GHR: variants seen among roughly 807,000 people sequenced by gnomAD.
GHR encodes growth hormone receptor.
Under a neutral mutation model 67.1 loss-of-function variants are expected in GHR, and 35 were observed. The ratio of observed to expected loss-of-function variants is 0.52; its 90% confidence interval spans 0.40 to 0.69. The LOEUF (loss-of-function observed/expected upper bound fraction) is 0.69, where lower values mean the gene tolerates loss of function less well. GHR is among the 30% of genes least tolerant of loss of function. The probability of loss-of-function intolerance (pLI) is 0.00; values close to 1 mark genes in which losing one functional copy is unlikely to be tolerated. For missense variants in GHR, 792 were observed against 764.6 expected (o/e 1.04, Z -0.42); for synonymous variants, 272 against 269.1 (o/e 1.01, Z -0.10).
chr5:42,660,741 A>C (rs570312755), intron 3 of GHR, among the ~76,000 whole-genome samples: 154 of 152,370 alleles, frequency 1.0e-3, no homozygotes, highest in African/African-American at 3.5e-3. Flanking sequence ...CTCACCAGCA[A>C]CGGAACAAAG....
chr5:42,686,672 G>A (rs879469358), intron 3 of GHR, among the ~76,000 whole-genome samples: 1 of 152,130 alleles, frequency 6.6e-6, no homozygotes, highest in Admixed American at 6.6e-5. Context: ...TTCATGGAAT[G>A]TATCTCAAAA....
chr5:42,564,349 A>C (rs1295815541), intron 1 of GHR, among the ~76,000 whole-genome samples: 1 of 150,066 alleles, frequency 6.7e-6, no homozygotes, highest in Non-Finnish European at 1.5e-5. Flanking sequence ...TTGAAATCTC[A>C]CAATGTGTGA....
chr5:42,463,276 T>C (rs1224608457), intron 1 of GHR, among the ~76,000 whole-genome samples: 1 of 152,226 alleles, frequency 6.6e-6, no homozygotes, highest in African/African-American at 2.4e-5. Flanking sequence ...AGAAGCTGAA[T>C]AGACAAGCTC....
At chr5:42,459,692 C>A (rs944458858) in intron 1 of GHR, among the ~76,000 whole-genome samples, 1 of 152,112 alleles carries the variant, frequency 6.6e-6, no homozygotes, top group Non-Finnish European at 1.5e-5. Context: ...GATTAATGAG[C>A]GTGATACCAG....
At chr5:42,613,070 C>A (rs756357082) in intron 2 of GHR, among the ~76,000 whole-genome samples, 1 of 152,144 alleles carries the variant, frequency 6.6e-6, no homozygotes, top group Non-Finnish European at 1.5e-5. Flanking sequence ...TCAAATTCTA[C>A]ATAAATGCAT....
intron 2 of GHR, among the ~76,000 whole-genome samples, chr5:42,580,955 T>C (rs569108800): frequency 2.3e-4 from 35 of 152,220 alleles, no homozygotes; most frequent in Non-Finnish European, 4.6e-4. Context: ...CCCACCTTCA[T>C]TCATCTTTCG....
At chr5:42,515,176 A>G (rs140064854) in intron 1 of GHR, among the ~76,000 whole-genome samples, 19 of 152,334 alleles carry the variant, frequency 1.2e-4, no homozygotes, top group Non-Finnish European at 2.5e-4. Context: ...CCAGAAAACC[A>G]AAGAATGACT....
At chr5:42,472,655 G>T (rs1362182930) in intron 1 of GHR, among the ~76,000 whole-genome samples, 1 of 152,194 alleles carries the variant, frequency 6.6e-6, no homozygotes, top group Admixed American at 6.5e-5. Context: ...AGTGGTGGAT[G>T]GGTGACTAAG....
At chr5:42,436,695 T>C (rs183644617) in intron 1 of GHR, among the ~76,000 whole-genome samples, 11 of 152,350 alleles carry the variant, frequency 7.2e-5, no homozygotes, top group African/African-American at 2.2e-4. Flanking sequence ...GAGTTTTGGA[T>C]AGTTGACCTC....
At chr5:42,685,896 G>A (rs150257079) in intron 3 of GHR, among the ~76,000 whole-genome samples, 1,833 of 152,206 alleles carry the variant, frequency 0.012, 34 homozygotes, top group African/African-American at 0.04. Context: ...TAGGTTGCCT[G>A]TTCACTCTGC....
At chr5:42,476,277 G>A (rs1745312980) in intron 1 of GHR, among the ~76,000 whole-genome samples, 1 of 151,132 alleles carries the variant, frequency 6.6e-6, no homozygotes. Context: ...CTGGAGTGCA[G>A]TGGCACAATC....
intron 3 of GHR, among the ~76,000 whole-genome samples, chr5:42,650,580 T>TATATATATATATATATATATATATATAC (rs1255494641): frequency 2.1e-5 from 3 of 140,918 alleles, no homozygotes; most frequent in Admixed American, 7.0e-5. Flanking sequence ...ACAGATAACA[T>TATATATATATATATATATATATATATAC]ATATATATAT....
chr5:42,452,754 T>G (rs992957826), intron 1 of GHR, among the ~76,000 whole-genome samples: 1 of 152,174 alleles, frequency 6.6e-6, no homozygotes, highest in Non-Finnish European at 1.5e-5. Context: ...TGGATGTTTT[T>G]CTTTATGATA....
chr5:42,599,830 G>A (rs1020690508), intron 2 of GHR, among the ~76,000 whole-genome samples: 1 of 152,168 alleles, frequency 6.6e-6, no homozygotes, highest in African/African-American at 2.4e-5. Context: ...CAGTTGGCTA[G>A]ACTTAAGTAG....
intron 1 of GHR, among the ~76,000 whole-genome samples, chr5:42,539,125 C>T (rs1748389104): frequency 6.6e-6 from 1 of 152,018 alleles, no homozygotes; most frequent in African/African-American, 2.4e-5. Flanking sequence ...TGGGCTTCAC[C>T]TTTCTCTAGT....
intron 1 of GHR, among the ~76,000 whole-genome samples, chr5:42,446,901 A>T (rs1486727153): frequency 6.6e-6 from 1 of 152,220 alleles, no homozygotes; most frequent in African/African-American, 2.4e-5. Flanking sequence ...AAACCAGACA[A>T]GATATTTAAG....
chr5:42,467,656 A>T, intron 1 of GHR: 1 of 1,605,610 alleles, frequency 6.2e-7, no homozygotes, highest in South Asian at 1.1e-5. Context: ...TCCAGTGTGG[A>T]TTCTCTGATG....
chr5:42,614,559 ATTTTTTTTTTTTTTTTTTT>A (rs553365880), intron 2 of GHR, among the ~76,000 whole-genome samples: 2 of 65,410 alleles, frequency 3.1e-5, no homozygotes, highest in South Asian at 8.3e-4. Flanking sequence ...CATAGAGGAC[ATTTTTTTTTTTTTTTTTTT>A]TTTTTTTTTT....
intron 3 of GHR, among the ~76,000 whole-genome samples, chr5:42,649,415 C>T (rs1419446668): frequency 6.6e-6 from 1 of 151,904 alleles, no homozygotes; most frequent in African/African-American, 2.4e-5. Context: ...ATAATAATAA[C>T]AATGATTAAT....
Sources: allele counts gnomAD v4.1 joint callset (sites outside exome capture counted in the v4.1 genomes callset), GRCh38; gene constraint gnomAD v4.1.1; transcripts MANE v1.5; gene names NCBI Gene and HGNC (gene_info 2026-07-23, HGNC 2026-07-21).